Variants in UBAC2 observed in about 807,000 individuals in gnomAD.
The protein encoded by UBAC2 is UBA domain containing 2, also known as ubiquitin-associated domain-containing protein 2.
A neutral mutation model predicts 44.0 loss-of-function variants in UBAC2; 26 were observed. The observed-to-expected ratio is 0.59, with a 90% CI of 0.43 to 0.82. UBAC2 has a LOEUF of 0.82. Ranked by LOEUF, UBAC2 falls within the 40% of genes least tolerant of loss-of-function variation. UBAC2 has a pLI of 0.00. For synonymous variants in UBAC2, 155 were observed against 154.3 expected (o/e 1.00, Z -0.04); for missense variants, 329 against 419.4 (o/e 0.78, Z 1.88).
At chr13:99,381,862 A>G (rs4772190) in intron 8 of UBAC2, among the ~76,000 whole-genome samples, 125,201 of 152,156 alleles carry the variant, frequency 0.82, 52,002 homozygotes, top group Middle Eastern at 0.93. Flanking sequence ...GAAGTTTCAC[A>G]TCTGGCAAAA....
intron 4 of UBAC2, chr13:99,308,840 C>G (rs1474107125): frequency 1.3e-5 from 2 of 152,132 alleles, no homozygotes; most frequent in African/African-American, 4.8e-5. Flanking sequence ...CAAGGTAATT[C>G]CTAGTACAAA....
intron 4 of UBAC2, among the ~76,000 whole-genome samples, chr13:99,250,461 A>T (rs1029609463): frequency 6.6e-6 from 1 of 152,110 alleles, no homozygotes; most frequent in Non-Finnish European, 1.5e-5. Context: ...TGCTTACTGT[A>T]GCCTTATAAT....
At chr13:99,362,645 C>T (rs2045280659) in intron 7 of UBAC2, among the ~76,000 whole-genome samples, 1 of 152,192 alleles carries the variant, frequency 6.6e-6, no homozygotes, top group Non-Finnish European at 1.5e-5. Flanking sequence ...TGGGATTTCC[C>T]CTTCTGTAAA....
At chr13:99,251,020 T>A (rs1315662808) in intron 4 of UBAC2, among the ~76,000 whole-genome samples, 1 of 152,162 alleles carries the variant, frequency 6.6e-6, no homozygotes, top group Non-Finnish European at 1.5e-5. Flanking sequence ...AAGTGCTGGC[T>A]GGGATTATAG....
At chr13:99,376,476 C>T (rs940745750) in intron 8 of UBAC2, among the ~76,000 whole-genome samples, 4 of 152,202 alleles carry the variant, frequency 2.6e-5, no homozygotes, top group African/African-American at 7.2e-5. Flanking sequence ...TCTTCATCCC[C>T]GTGAGGGCGG....
intron 4 of UBAC2, among the ~76,000 whole-genome samples, chr13:99,274,623 C>A (rs1355642553): frequency 6.6e-6 from 1 of 152,092 alleles, no homozygotes; most frequent in African/African-American, 2.4e-5. Context: ...ACGTGCCTGG[C>A]CTCATAATAC....
At chr13:99,276,790 C>T (rs983988510) in intron 4 of UBAC2, among the ~76,000 whole-genome samples, 2 of 152,206 alleles carry the variant, frequency 1.3e-5, no homozygotes, top group Non-Finnish European at 2.9e-5. Context: ...TTGAAAGGGG[C>T]TCATTATGAA....
intron 4 of UBAC2, among the ~76,000 whole-genome samples, chr13:99,293,250 A>T (rs2044118752): frequency 6.6e-6 from 1 of 152,186 alleles, no homozygotes; most frequent in African/African-American, 2.4e-5. Context: ...TCTGTTGTCA[A>T]ATGCCATAGG....
intron 7 of UBAC2, among the ~76,000 whole-genome samples, chr13:99,351,082 G>T (rs2045079558): frequency 6.6e-6 from 1 of 152,206 alleles, no homozygotes; most frequent in Admixed American, 6.5e-5. Flanking sequence ...GGCAGTTAGG[G>T]ACTCAATCCT....
intron 6 of UBAC2, among the ~76,000 whole-genome samples, chr13:99,339,535 T>C (rs1426669372): frequency 6.6e-6 from 1 of 152,240 alleles, no homozygotes; most frequent in Non-Finnish European, 1.5e-5. Context: ...TTCATCAATT[T>C]AAATTTTATT....
chr13:99,240,416 A>G (rs1287228758), intron 2 of UBAC2, among the ~76,000 whole-genome samples: 1 of 152,178 alleles, frequency 6.6e-6, no homozygotes, highest in Non-Finnish European at 1.5e-5. Context: ...AGTTTGTTAT[A>G]TCTTAGTAAT....
intron 6 of UBAC2, among the ~76,000 whole-genome samples, chr13:99,327,079 C>T (rs1234333393): frequency 1.3e-5 from 2 of 152,126 alleles, no homozygotes; most frequent in Non-Finnish European, 2.9e-5. Context: ...CTTCTAAAAT[C>T]ATCAAGATAT....
At chr13:99,276,171 C>T (rs1001636737) in intron 4 of UBAC2, among the ~76,000 whole-genome samples, 8 of 152,190 alleles carry the variant, frequency 5.3e-5, no homozygotes, top group African/African-American at 1.2e-4. Flanking sequence ...TGTTTTCCAA[C>T]GCTAACAAGT....
intron 1 of UBAC2, among the ~76,000 whole-genome samples, chr13:99,223,542 G>GTTT (rs145143990): frequency 1.2e-3 from 76 of 62,432 alleles, no homozygotes; most frequent in Non-Finnish European, 1.6e-3. Context: ...CTCTTTTTCT[G>GTTT]TTTTTTTTTT....
In UBAC2 at chr13:99,260,116, C is replaced by T. The variant is rs144149003; in HGVS notation, c.389+15492C>T. ...GTCTCCCACCTGATGGCATGGCCTG[C>T]TGCTCTTTGTTCTTGTAGCTACCTT... On this transcript the variant is annotated intron_variant, in intron 4 of 8. Coordinates refer to ENST00000403766, the MANE Select transcript of UBAC2 (RefSeq NM_001144072.2). Among the ~76,000 whole-genome samples, 965 of 152,300 alleles carry T rather than the reference C, an allele frequency of 6.3e-3. 6 individuals carry two copies. The highest frequency in any genetic ancestry group is 0.023 in the African/African-American group (936 of 41,552).
At chr13:99,253,077 A>C (rs2043479129) in intron 4 of UBAC2, among the ~76,000 whole-genome samples, 1 of 150,442 alleles carries the variant, frequency 6.6e-6, no homozygotes, top group Admixed American at 6.6e-5. Flanking sequence ...AAATATATGT[A>C]AGATATACAA....
At chr13:99,352,953 C>T (rs760761342) in intron 7 of UBAC2, among the ~76,000 whole-genome samples, 1 of 152,160 alleles carries the variant, frequency 6.6e-6, no homozygotes, top group African/African-American at 2.4e-5. Context: ...CCAAAGGGAG[C>T]GAATTCTCAT....
At chr13:99,213,073 CT>C (rs973823693) in intron 1 of UBAC2, among the ~76,000 whole-genome samples, 2 of 151,182 alleles carry the variant, frequency 1.3e-5, no homozygotes, top group African/African-American at 4.9e-5. Context: ...TCTATGCATT[CT>C]TTTTTTTTCT....
intron 2 of UBAC2, 22 bp downstream of exon 2, chr13:99,238,576 CCT>C (rs1474606919): frequency 3.2e-6 from 5 of 1,560,450 alleles, no homozygotes; most frequent in Non-Finnish European, 4.3e-6. Context: ...CTCATTGGCC[CCT>C]GAGAGGAGAG....
Sources: allele counts gnomAD v4.1 joint callset (sites outside exome capture counted in the v4.1 genomes callset), GRCh38; gene constraint gnomAD v4.1.1; transcripts MANE v1.5; gene names NCBI Gene and HGNC (gene_info 2026-07-23, HGNC 2026-07-21).